The following SLC41A2 variants were observed in gnomAD, a reference collection of about 807,000 sequenced individuals.
SLC41A2 encodes solute carrier family 41 member 2.
A neutral mutation model predicts 58.3 loss-of-function variants in SLC41A2; 32 were observed. The observed-to-expected ratio is 0.55, with a 90% CI of 0.41 to 0.74. The LOEUF (loss-of-function observed/expected upper bound fraction) is 0.74. SLC41A2 is among the 30% of genes least tolerant of loss of function. The pLI is 0.00. For synonymous variants in SLC41A2, 190 were observed against 235.0 expected (o/e 0.81, Z 1.75); for missense variants, 514 against 680.6 (o/e 0.76, Z 2.72).
chr12:104,901,708 C>T (rs986318005), intron 3 of SLC41A2, among the ~76,000 whole-genome samples: 17 of 152,124 alleles, frequency 1.1e-4, no homozygotes, highest in Admixed American at 1.0e-3. Context: ...TGCCACCAAG[C>T]CCAGCTAATT....
intron 10 of SLC41A2, among the ~76,000 whole-genome samples, chr12:104,838,916 T>G (rs1426746004): frequency 6.6e-6 from 1 of 152,180 alleles, no homozygotes; most frequent in East Asian, 1.9e-4. Context: ...CTTGACAAAA[T>G]CCTGATATTT....
chr12:104,822,562 G>A (rs1490035809), intron 10 of SLC41A2, among the ~76,000 whole-genome samples: 1 of 152,018 alleles, frequency 6.6e-6, no homozygotes, highest in Admixed American at 6.6e-5. Flanking sequence ...TGATAATAAG[G>A]AATATATGCT....
intron 10 of SLC41A2, among the ~76,000 whole-genome samples, chr12:104,826,705 C>T (rs2041858294): frequency 6.6e-6 from 1 of 152,224 alleles, no homozygotes; most frequent in African/African-American, 2.4e-5. Context: ...CCCTACAGAA[C>T]TTAAAGCAAA....
At chr12:104,851,344 G>T (rs1265117836) in intron 8 of SLC41A2, among the ~76,000 whole-genome samples, 1 of 151,986 alleles carries the variant, frequency 6.6e-6, no homozygotes, top group Non-Finnish European at 1.5e-5. Flanking sequence ...ATATGAAAGA[G>T]AATAAATCAT....
chr12:104,821,296 T>TA (rs139651339), intron 10 of SLC41A2, among the ~76,000 whole-genome samples: 27 of 151,934 alleles, frequency 1.8e-4, no homozygotes, highest in Admixed American at 5.9e-4. Context: ...CCCATAATAT[T>TA]AAAAAAAATT....
intron 6 of SLC41A2, among the ~76,000 whole-genome samples, chr12:104,871,720 C>A (rs1250283016): frequency 1.3e-5 from 2 of 152,126 alleles, no homozygotes; most frequent in South Asian, 2.1e-4. Flanking sequence ...AACTTCTAAT[C>A]ACGTTAATTG....
chr12:104,861,148 G>A (rs901916239), intron 8 of SLC41A2, 143 bp downstream of exon 8: 2 of 503,182 alleles, frequency 4.0e-6, no homozygotes, highest in Middle Eastern at 5.3e-4. Flanking sequence ...TTCACTGTGA[G>A]CAACAACTTG....
intron 1 of SLC41A2, among the ~76,000 whole-genome samples, chr12:104,931,354 A>G (rs1288597298): frequency 6.6e-6 from 1 of 152,194 alleles, no homozygotes; most frequent in African/African-American, 2.4e-5. Context: ...TATCAATCAC[A>G]GTACCCTACC....
chr12:104,917,991 T>C lies in SLC41A2; in HGVS notation c.556-8229A>G, dbSNP rs1052643136. Among the ~76,000 whole-genome samples the C allele has an allele frequency of 1.1e-4, 16 of 147,594 alleles. No individual in the cohort carries two copies. The South Asian group carries it at 3.2e-3, about 29-fold the overall frequency. On this transcript the variant is annotated intron_variant, in intron 2 of 10. Transcript: ENST00000258538. ...GTATAATAATAAAATAAAATAAATATATATATAAAATATATATATATAAAA... is the reference window on the plus strand; with the variant it reads ...GTATAATAATAAAATAAAATAAATACATATATAAAATATATATATATAAAA...
chr12:104,834,641 G>A (rs1845804380), intron 10 of SLC41A2, among the ~76,000 whole-genome samples: 1 of 151,130 alleles, frequency 6.6e-6, no homozygotes, highest in African/African-American at 2.4e-5. Context: ...TTTCCTTTGA[G>A]ATGCCATCTG....
intron 2 of SLC41A2, among the ~76,000 whole-genome samples, chr12:104,917,303 A>G (rs1294067926): frequency 6.6e-6 from 1 of 151,048 alleles, no homozygotes; most frequent in Non-Finnish European, 1.5e-5. Flanking sequence ...TAGAATGGCA[A>G]TCATTAAAAA....
At chr12:104,834,312 T>C in intron 10 of SLC41A2, 1 of 385,440 alleles carries the variant, frequency 2.6e-6, no homozygotes, top group Non-Finnish European at 3.5e-6. Flanking sequence ...ATCTCAAAAA[T>C]TCACCTGCTT....
At chr12:104,898,001 T>A (rs887359005) in intron 3 of SLC41A2, among the ~76,000 whole-genome samples, 2 of 152,158 alleles carry the variant, frequency 1.3e-5, no homozygotes, top group Admixed American at 6.5e-5. Flanking sequence ...TTAGCTGACC[T>A]GATGGTGCCC....
intron 2 of SLC41A2, among the ~76,000 whole-genome samples, chr12:104,924,767 G>A (rs1229188713): frequency 2.0e-5 from 3 of 151,676 alleles, no homozygotes; most frequent in Non-Finnish European, 4.4e-5. Flanking sequence ...GAGTCTGGAA[G>A]CACCATTCCT....
chr12:104,849,828 T>C (rs955833950), intron 8 of SLC41A2, among the ~76,000 whole-genome samples: 9 of 152,082 alleles, frequency 5.9e-5, no homozygotes, highest in African/African-American at 2.2e-4. Flanking sequence ...ACCCTATCTT[T>C]AGTAAGTAAG....
At position 104,865,336 on chromosome 12, in the gene SLC41A2, G is replaced by A. The variant is rs185715576; in HGVS notation, c.1175+1096C>T. Among the ~76,000 whole-genome samples, 38 of 152,262 alleles carry A rather than the reference G, an allele frequency of 2.5e-4. 1 individual carries two copies. The highest frequency in any genetic ancestry group is 8.9e-4 in the African/African-American group (37 of 41,572). The stretch of plus-strand genomic sequence containing the variant: ...ATGTTTCTGAATCTAGAACCTCTCC[G>A]ATTTAGCCTCTTGAGAGGTTATTCT... On this transcript the variant is annotated intron_variant, in intron 7 of 10. Coordinates refer to ENST00000258538, the MANE Select transcript of SLC41A2 (RefSeq NM_001352171.3).
chr12:104,887,763 T>G (rs1490866943), intron 5 of SLC41A2, among the ~76,000 whole-genome samples: 3 of 151,952 alleles, frequency 2.0e-5, no homozygotes, highest in African/African-American at 7.2e-5. Flanking sequence ...GGAAACGTGT[T>G]TTAGTTCTGA....
At chr12:104,937,683 T>C (rs1378453510) in intron 1 of SLC41A2, among the ~76,000 whole-genome samples, 1 of 152,222 alleles carries the variant, frequency 6.6e-6, no homozygotes, top group African/African-American at 2.4e-5. Context: ...ATTCTTGTTA[T>C]CAAAGTGTGG....
chr12:104,889,698 T>C (rs754393606), intron 4 of SLC41A2, among the ~76,000 whole-genome samples: 19 of 152,196 alleles, frequency 1.2e-4, no homozygotes, highest in Non-Finnish European at 2.6e-4. Context: ...GTGGTCAACG[T>C]AGATTATTCC....
Sources: allele counts gnomAD v4.1 joint callset (sites outside exome capture counted in the v4.1 genomes callset), GRCh38; gene constraint gnomAD v4.1.1; transcripts MANE v1.5; gene names NCBI Gene and HGNC (gene_info 2026-07-23, HGNC 2026-07-21).